Variants in IL19 observed in about 807,000 individuals in gnomAD.
IL19 encodes the protein interleukin-19.
Under a neutral mutation model 19.5 loss-of-function variants are expected in IL19, and 15 were observed. The observed-to-expected ratio is 0.77, with a 90% CI of 0.52 to 1.19. IL19 has a LOEUF of 1.19. IL19 is among the 50% of genes most tolerant of loss of function. The pLI is 0.00. For synonymous variants in IL19, 78 were observed against 78.3 expected, an observed-to-expected ratio of 1.00 and a Z score of 0.02; for missense variants, 199 against 213.1, an observed-to-expected ratio of 0.93 and a Z score of 0.41.
chr1:206,776,335 C>T (rs183511688), intron 1 of IL19, among the ~76,000 whole-genome samples: 11 of 151,986 alleles, frequency 7.2e-5, no homozygotes, highest in Non-Finnish European at 1.5e-4. Context: ...GCACACCAAC[C>T]CAGGAGACCC....
At chr1:206,787,842 C>T (rs571931134) in intron 1 of IL19, among the ~76,000 whole-genome samples, 48 of 152,118 alleles carry the variant, frequency 3.2e-4, no homozygotes, top group Non-Finnish European at 5.7e-4. Context: ...TTTCTCCTCT[C>T]CAGCCATGCC....
chr1:206,771,341 C>G (rs1342823726), intron 1 of IL19: 1 of 1,611,280 alleles, frequency 6.2e-7, no homozygotes, highest in South Asian at 1.1e-5. Flanking sequence ...CCCAGCACCC[C>G]GCCCCTGCTC....
chr1:206,782,631 G>T lies in IL19; in HGVS notation c.-149+11553G>T, dbSNP rs1675175086. Among the ~76,000 whole-genome samples, 2 of 152,210 alleles carry T rather than the reference G, an allele frequency of 1.3e-5. 1 individual carries two copies. The highest frequency in any genetic ancestry group is 4.1e-4 in the South Asian group (2 of 4,826). ...TGTGAGCCTCTCACATGTCACGGAAGCTACAGTGCCTCACAAGCGGTGTTT... is the reference window on the plus strand; with the variant it reads ...TGTGAGCCTCTCACATGTCACGGAATCTACAGTGCCTCACAAGCGGTGTTT... On this transcript the variant is annotated intron_variant, in intron 1 of 6. Coordinates refer to ENST00000659997, the MANE Select transcript of IL19 (RefSeq NM_153758.5).
At chr1:206,806,858 T>A (rs373660354) in intron 2 of IL19, among the ~76,000 whole-genome samples, 1 of 152,194 alleles carries the variant, frequency 6.6e-6, no homozygotes, top group Non-Finnish European at 1.5e-5. Context: ...TGTCATCCAA[T>A]GGTCTAGTAA....
chr1:206,800,102 C>A (rs1675642396), intron 2 of IL19, among the ~76,000 whole-genome samples: 2 of 152,200 alleles, frequency 1.3e-5, no homozygotes, highest in South Asian at 4.1e-4. Context: ...TTTCATTTCA[C>A]TGAATTGTCC....
chr1:206,823,182 G>A (rs544916485), intron 2 of IL19, among the ~76,000 whole-genome samples: 29 of 152,036 alleles, frequency 1.9e-4, no homozygotes, highest in African/African-American at 6.3e-4. Context: ...CACTAGCCTC[G>A]GCATCCCAAA....
At chr1:206,773,538 A>G (rs552524035) in intron 1 of IL19, among the ~76,000 whole-genome samples, 1 of 150,208 alleles carries the variant, frequency 6.7e-6, no homozygotes, top group African/African-American at 2.5e-5. Context: ...CCTCTTACCT[A>G]TCCCTACTTC....
intron 6 of IL19, among the ~76,000 whole-genome samples, 162 bp from the exon 7 acceptor site, chr1:206,842,365 C>T (rs905542751): frequency 1.8e-4 from 27 of 151,906 alleles, no homozygotes; most frequent in Non-Finnish European, 2.1e-4. Context: ...TGGTTGCCTG[C>T]GAGGAAAATA....
chr1:206,781,422 AAAAAAAAAAAAAAAAAG>A (rs1167813673), intron 1 of IL19, among the ~76,000 whole-genome samples: 6 of 150,002 alleles, frequency 4.0e-5, no homozygotes, highest in African/African-American at 1.5e-4. Flanking sequence ...CTCAAAAAAA[AAAAAAAAAAAAAAAAAG>A]AAAAAAAAAG....
intron 2 of IL19, among the ~76,000 whole-genome samples, chr1:206,825,035 CA>C (rs1480851127): frequency 6.6e-6 from 1 of 152,190 alleles, no homozygotes; most frequent in African/African-American, 2.4e-5. Flanking sequence ...GGATTATAGG[CA>C]TGAGCCACTG....
intron 1 of IL19, among the ~76,000 whole-genome samples, chr1:206,771,865 C>T (rs1674855095): frequency 6.6e-6 from 1 of 152,216 alleles, no homozygotes; most frequent in Non-Finnish European, 1.5e-5. Context: ...TAGAGTGCTT[C>T]CCTAAACCAC....
intron 2 of IL19, among the ~76,000 whole-genome samples, chr1:206,826,375 C>T (rs1054082689): frequency 2.6e-5 from 4 of 152,134 alleles, no homozygotes; most frequent in South Asian, 4.1e-4. Context: ...TGAACTACAC[C>T]GCTGGCTTTC....
At chr1:206,773,593 T>TGTGA (rs1050357656) in intron 1 of IL19, among the ~76,000 whole-genome samples, 6 of 139,434 alleles carry the variant, frequency 4.3e-5, no homozygotes, top group African/African-American at 1.6e-4. Context: ...GATTTGTGTG[T>TGTGA]GTGTGTGTGT....
At chr1:206,794,099 G>A in intron 1 of IL19, among the ~76,000 whole-genome samples, 1 of 152,138 alleles carries the variant, frequency 6.6e-6, no homozygotes. Context: ...GGACACCATG[G>A]CCAGGCCAAT....
chr1:206,773,631 T>C (rs1194942278), intron 1 of IL19, among the ~76,000 whole-genome samples: 1 of 138,468 alleles, frequency 7.2e-6, no homozygotes, highest in Non-Finnish European at 1.6e-5. Flanking sequence ...TGTGTGTGTG[T>C]AGAAGGTAAG....
At position 206,839,895 on chromosome 1, in the gene IL19, G is replaced by T. The variant is rs557339350; in HGVS notation, c.256G>T (p.Val86Leu). 2.5e-6 allele frequency: 4 copies of T among 1,614,070 alleles called. No individual in the cohort carries two copies. Among genetic ancestry groups the T allele is most frequent in the Middle Eastern group, 1.6e-4 (1 of 6,062 alleles). ...GACCAAGAACCTCCTGGCGTTCTAC[G>T]TGGACAGGGTGTTCAAGGATCATCA... ...CVTKNLLAFY[V>L]DRVFKDHQEP... The change falls in exon 5 of 7, where the codon GTG becomes TTG. Residue 86 changes from valine (V) to leucine (L), a missense_variant. Coordinates refer to ENST00000659997, the MANE Select transcript of IL19 (RefSeq NM_153758.5).
In IL19 at chr1:206,834,469, C is replaced by T. The variant is rs1234195764; in HGVS notation, c.-2-2192C>T. 24 of 983,190 alleles carry T rather than the reference C, an allele frequency of 2.4e-5. 1 individual carries two copies. The highest frequency in any genetic ancestry group is 1.1e-4 in the East Asian group (1 of 8,878). 60.9% of individuals were successfully genotyped at this position (983,190 alleles called of 1,614,324 possible). A position where few individuals can be genotyped will look rare whatever the true frequency, so the allele number is the denominator to read the frequency against. On this transcript the variant is annotated intron_variant, in intron 2 of 6. Coordinates refer to ENST00000659997, the MANE Select transcript of IL19 (RefSeq NM_153758.5). ...CATCCTAGCCCTCCTCCTTCACTGC[C>T]GCAGGGAGGTGACCTGTTACCATTG...
At chr1:206,792,931 T>A (rs74148794) in intron 1 of IL19, among the ~76,000 whole-genome samples, 1 of 152,206 alleles carries the variant, frequency 6.6e-6, no homozygotes, top group Non-Finnish European at 1.5e-5. Flanking sequence ...GGGGAACTAA[T>A]TGGCATATAA....
intron 2 of IL19, chr1:206,833,747 T>C: frequency 2.0e-6 from 2 of 985,296 alleles, no homozygotes; most frequent in Non-Finnish European, 2.4e-6. Flanking sequence ...TAATCAAGAA[T>C]GAGAGAACCC....
Sources: gnomAD v4.1 joint callset for allele counts (sites outside exome capture counted in the v4.1 genomes callset) on GRCh38, gnomAD v4.1.1 for gene constraint, MANE v1.5 for transcripts, NCBI Gene and HGNC (gene_info 2026-07-23, HGNC 2026-07-21) for gene names.